The following MITF variants were observed in gnomAD, a reference collection of about 807,000 sequenced individuals.
The protein encoded by MITF is microphthalmia-associated transcription factor.
A neutral mutation model predicts 60.5 loss-of-function variants in MITF; 17 were observed. The ratio of observed to expected loss-of-function variants is 0.28; its 90% confidence interval spans 0.19 to 0.42. MITF has a LOEUF of 0.42. MITF is among the 10% of genes least tolerant of loss of function. The probability of loss-of-function intolerance (pLI) is 1.00; values close to 1 mark genes in which losing one functional copy is unlikely to be tolerated. For missense variants in MITF, 622 were observed against 683.5 expected, an observed-to-expected ratio of 0.91 and a Z score of 1.00; for synonymous variants, 260 against 248.5, an observed-to-expected ratio of 1.05 and a Z score of -0.43.
chr3:69,952,545 TG>T (rs1158138594), intron 7 of MITF, among the ~76,000 whole-genome samples: 2 of 152,174 alleles, frequency 1.3e-5, no homozygotes, highest in Non-Finnish European at 1.5e-5. Context: ...TCTCATCTCA[TG>T]GCCTCATGTC....
At chr3:69,886,572 C>A (rs927477051) in intron 2 of MITF, among the ~76,000 whole-genome samples, 4 of 152,022 alleles carry the variant, frequency 2.6e-5, no homozygotes, top group Admixed American at 2.0e-4. Context: ...TATATTAGAG[C>A]AAAATGGGAG....
intron 1 of MITF, among the ~76,000 whole-genome samples, chr3:69,834,173 A>G (rs747838394): frequency 1.3e-5 from 2 of 152,218 alleles, no homozygotes; most frequent in Non-Finnish European, 2.9e-5. Context: ...AAAAGATTCA[A>G]AAACCTCTTT....
chr3:69,841,570 G>T (rs1031772379), intron 1 of MITF, among the ~76,000 whole-genome samples: 1 of 152,154 alleles, frequency 6.6e-6, no homozygotes, highest in Non-Finnish European at 1.5e-5. Context: ...GCCAAATTTG[G>T]AAACTTTAAT....
chr3:69,864,641 A>G (rs2064078900), intron 1 of MITF, among the ~76,000 whole-genome samples: 1 of 151,660 alleles, frequency 6.6e-6, no homozygotes, highest in Non-Finnish European at 1.5e-5. Flanking sequence ...CCTGCTTGCC[A>G]TCTCTCTGTG....
At chr3:69,752,981 G>C (rs1215786157) in intron 1 of MITF, among the ~76,000 whole-genome samples, 1 of 152,158 alleles carries the variant, frequency 6.6e-6, no homozygotes, top group Non-Finnish European at 1.5e-5. Flanking sequence ...AAGTAAAAAG[G>C]GGCCAAGTGC....
At chr3:69,863,969 CTG>C (rs1242756089) in intron 1 of MITF, among the ~76,000 whole-genome samples, 6 of 152,110 alleles carry the variant, frequency 3.9e-5, no homozygotes, top group Admixed American at 3.9e-4. Flanking sequence ...TTTTTTCACT[CTG>C]TCTCATTTCT....
At chr3:69,935,944 C>T (rs776787530) in intron 2 of MITF, among the ~76,000 whole-genome samples, 21 of 152,130 alleles carry the variant, frequency 1.4e-4, no homozygotes, top group Non-Finnish European at 2.6e-4. Context: ...CAAAAATGCT[C>T]ATGCTTTTTT....
intron 2 of MITF, among the ~76,000 whole-genome samples, chr3:69,927,040 A>T (rs2065607330): frequency 6.6e-6 from 1 of 152,226 alleles, no homozygotes; most frequent in South Asian, 2.1e-4. Context: ...TACATTATAG[A>T]AAATAATAAA....
At chr3:69,784,513 T>C (rs1251149699) in intron 1 of MITF, among the ~76,000 whole-genome samples, 1 of 152,176 alleles carries the variant, frequency 6.6e-6, no homozygotes, top group African/African-American at 2.4e-5. Flanking sequence ...TCTCTTAGTA[T>C]AGAAAACAGT....
chr3:69,840,324 C>T (rs922625957), intron 1 of MITF, among the ~76,000 whole-genome samples: 4 of 152,198 alleles, frequency 2.6e-5, no homozygotes, highest in Middle Eastern at 3.4e-3. Context: ...ATTAATTGCC[C>T]GGGGTGAGCT....
chr3:69,857,101 T>C (rs926669562), intron 1 of MITF, among the ~76,000 whole-genome samples: 1 of 152,112 alleles, frequency 6.6e-6, no homozygotes, highest in Admixed American at 6.6e-5. Context: ...AATGAAGTAG[T>C]GACCTAAACA....
At chr3:69,767,718 G>A (rs564728063) in intron 1 of MITF, among the ~76,000 whole-genome samples, 1 of 152,348 alleles carries the variant, frequency 6.6e-6, no homozygotes, top group South Asian at 2.1e-4. Flanking sequence ...TAAGCACGGA[G>A]TGTGGCTGGA....
chr3:69,875,518 C>G (rs1204987552), intron 1 of MITF, among the ~76,000 whole-genome samples: 2 of 152,144 alleles, frequency 1.3e-5, no homozygotes, highest in Non-Finnish European at 2.9e-5. Context: ...GAATCAGACT[C>G]ATGGAATTAG....
chr3:69,950,627 G>GTATATATATATATATATA (rs143648888), intron 6 of MITF, among the ~76,000 whole-genome samples: 12 of 138,056 alleles, frequency 8.7e-5, no homozygotes, highest in African/African-American at 3.2e-4. Flanking sequence ...TATATGGTGT[G>GTATATATATATATATATA]TATATATATA....
intron 2 of MITF, among the ~76,000 whole-genome samples, chr3:69,919,008 CT>C (rs2065401554): frequency 6.6e-6 from 1 of 152,156 alleles, no homozygotes; most frequent in Non-Finnish European, 1.5e-5. Context: ...TTCAAGAAAT[CT>C]TTCTCTGTCT....
rs1443415899 is a variant in MITF at position 69,925,581 on chromosome 3, A to G, written c.355-12241A>G. Among the ~76,000 whole-genome samples the G allele has an allele frequency of 2.6e-5, 4 of 152,236 alleles. No individual in the cohort carries two copies. The South Asian group carries it at 6.2e-4, about 24-fold the overall frequency. On this transcript the variant is annotated intron_variant, in intron 2 of 9. Coordinates refer to ENST00000352241, the MANE Select transcript of MITF (RefSeq NM_001354604.2). ...TCATGTTGATTCTCTTTATTAAAAC[A>G]TCTCAATGGCTTCTTACAAGTAGTA... is the stretch of plus-strand genomic sequence containing the variant.
intron 1 of MITF, among the ~76,000 whole-genome samples, chr3:69,868,298 C>T (rs1033936672): frequency 6.6e-6 from 1 of 152,090 alleles, no homozygotes; most frequent in African/African-American, 2.4e-5. Context: ...AAAACTGAGG[C>T]TTGGATAGGT....
intron 1 of MITF, among the ~76,000 whole-genome samples, chr3:69,762,285 A>T (rs1054625494): frequency 6.6e-6 from 1 of 152,200 alleles, no homozygotes; most frequent in African/African-American, 2.4e-5. Context: ...TGAGTTAGAG[A>T]TTCACAGAAT....
At chr3:69,951,222 C>T (rs1375939936) in intron 6 of MITF, among the ~76,000 whole-genome samples, 7 of 151,560 alleles carry the variant, frequency 4.6e-5, no homozygotes, top group Middle Eastern at 3.4e-3. Context: ...CTCAGCCTCC[C>T]GTAGCTGGGA....
Sources: allele counts gnomAD v4.1 joint callset (sites outside exome capture counted in the v4.1 genomes callset), GRCh38; gene constraint gnomAD v4.1.1; transcripts MANE v1.5; gene names NCBI Gene and HGNC (gene_info 2026-07-23, HGNC 2026-07-21).